The following TESMIN variants were observed in gnomAD, a reference collection of about 807,000 sequenced individuals.
TESMIN encodes the protein CXC domain containing 2.
In TESMIN, 34 loss-of-function variants were observed where a neutral mutation model predicts 47.4. The ratio of observed to expected loss-of-function variants is 0.72; its 90% CI spans 0.55 to 0.96. The LOEUF is 0.96. Among genes scored for constraint, TESMIN ranks in the 40% least tolerant of loss-of-function variants. TESMIN has a pLI of 0.00. For synonymous variants in TESMIN, 278 were observed against 258.9 expected (o/e 1.07, Z -0.71); for missense variants, 610 against 637.2 (o/e 0.96, Z 0.46).
chr11:68,712,925 G>A (rs957732792), intron 8 of TESMIN, among the ~76,000 whole-genome samples: 52 of 152,166 alleles, frequency 3.4e-4, no homozygotes, highest in African/African-American at 1.3e-3. Flanking sequence ...AGGAAGAGGC[G>A]CGGCTGCCCT....
At chr11:68,744,255 C>T in intron 4 of TESMIN, among the ~76,000 whole-genome samples, 1 of 152,174 alleles carries the variant, frequency 6.6e-6, no homozygotes, top group East Asian at 1.9e-4. Flanking sequence ...CAGTGAATCA[C>T]CTGACAGTGA....
At chr11:68,712,867 A>G (rs1175883312) in intron 8 of TESMIN, among the ~76,000 whole-genome samples, 1 of 152,196 alleles carries the variant, frequency 6.6e-6, no homozygotes, top group African/African-American at 2.4e-5. Context: ...CTTTGAGGCC[A>G]AACTGTCCCC....
chr11:68,719,360 T>C (rs1410392305), intron 6 of TESMIN, among the ~76,000 whole-genome samples: 1 of 152,176 alleles, frequency 6.6e-6, no homozygotes, highest in Non-Finnish European at 1.5e-5. Context: ...GGACCAGAGT[T>C]TTCATCGTCA....
intron 7 of TESMIN, among the ~76,000 whole-genome samples, chr11:68,713,655 T>TA (rs1305198053): frequency 3.9e-5 from 6 of 152,146 alleles, no homozygotes; most frequent in Non-Finnish European, 8.8e-5. Flanking sequence ...ATATTTACTG[T>TA]AAAAAAATAA....
intron 6 of TESMIN, among the ~76,000 whole-genome samples, chr11:68,721,692 T>C (rs1338585781): frequency 6.6e-6 from 1 of 152,188 alleles, no homozygotes; most frequent in Non-Finnish European, 1.5e-5. Flanking sequence ...ATCTGTGTTT[T>C]TTCCTTCATT....
chr11:68,736,095 TA>T (rs201843223), intron 6 of TESMIN: 2 of 985,264 alleles, frequency 2.0e-6, no homozygotes, highest in East Asian at 2.3e-4. Flanking sequence ...CACAACAAGA[TA>T]ACCTCATCTT....
At chr11:68,736,762 A>G (rs1946391447) in intron 6 of TESMIN, 5 of 971,856 alleles carry the variant, frequency 5.1e-6, no homozygotes, top group Non-Finnish European at 6.1e-6. Flanking sequence ...GGAAAAGGAG[A>G]GAGGAAGAAG....
At chr11:68,749,268 C>T (rs984475204) in intron 2 of TESMIN, among the ~76,000 whole-genome samples, 1 of 152,344 alleles carries the variant, frequency 6.6e-6, no homozygotes, top group South Asian at 2.1e-4. Flanking sequence ...CCATCCTTTT[C>T]CTGTACACTA....
intron 6 of TESMIN, chr11:68,736,356 C>T (rs1412956206): frequency 5.1e-6 from 5 of 985,352 alleles, no homozygotes; most frequent in African/African-American, 3.5e-5. Context: ...CGGGTCAGCT[C>T]GCACACTCAG....
chr11:68,733,541 A>G (rs2153991915), intron 6 of TESMIN: 1 of 152,334 alleles, frequency 6.6e-6, no homozygotes, highest in East Asian at 1.9e-4. Context: ...GCTGAGAAGT[A>G]ACTGTAACAC....
chr11:68,715,776 T>G (rs985377284), intron 7 of TESMIN, 61 bp downstream of exon 7: 17 of 1,211,720 alleles, frequency 1.4e-5, no homozygotes, highest in African/African-American at 7.6e-5. Flanking sequence ...GGTGATTTTA[T>G]GAACATCTCA....
At chr11:68,706,588 C>T (rs1029479886), downstream of TESMIN, among the ~76,000 whole-genome samples, 1 of 152,188 alleles carries the variant, frequency 6.6e-6, no homozygotes, top group South Asian at 2.1e-4. Flanking sequence ...CTGAGGCGCC[C>T]GAACCCTTAA....
rs926678759 is a variant in TESMIN at position 68,707,465 on chromosome 11, A to G, written c.*843T>C. ...TTGAAGACATTGGAAATTTTTATTC[A>G]TCTTTGCTTTACAACAGAACCAAAA... On this transcript the variant is annotated 3_prime_UTR_variant, in exon 10 of 10. Coordinates refer to ENST00000255087, the MANE Select transcript of TESMIN (RefSeq NM_004923.3). The G allele has an allele frequency of 4.0e-5, 7 of 176,916 alleles. No individual in the cohort carries two copies. The highest frequency in any genetic ancestry group is 1.4e-4 in the African/African-American group (6 of 42,684). 11.0% of individuals were successfully genotyped at this position (176,916 alleles called of 1,614,324 possible).
At chr11:68,747,570 G>C (rs544918603) in intron 2 of TESMIN, among the ~76,000 whole-genome samples, 1 of 152,316 alleles carries the variant, frequency 6.6e-6, no homozygotes, top group South Asian at 2.1e-4. Flanking sequence ...GTTGCTGTGA[G>C]CTGAGACAGT....
intron 8 of TESMIN, among the ~76,000 whole-genome samples, 175 bp from the exon 9 acceptor site, chr11:68,711,224 AGTGT>A (rs776342951): frequency 6.0e-5 from 9 of 148,940 alleles, no homozygotes; most frequent in Middle Eastern, 3.4e-3. Context: ...GTTGAACGTG[AGTGT>A]GTGTATGAGT....
At chr11:68,731,794 C>T (rs1373304588) in intron 6 of TESMIN, among the ~76,000 whole-genome samples, 2 of 152,172 alleles carry the variant, frequency 1.3e-5, no homozygotes, top group African/African-American at 4.8e-5. Flanking sequence ...GACCTCACTG[C>T]TTGGGTGAAT....
chr11:68,735,319 G>A (rs1946374829), intron 6 of TESMIN, among the ~76,000 whole-genome samples: 1 of 152,162 alleles, frequency 6.6e-6, no homozygotes, highest in Non-Finnish European at 1.5e-5. Flanking sequence ...GGGTGGCCCG[G>A]CACTTCCTGT....
At chr11:68,730,437 TA>T (rs1197621942) in intron 6 of TESMIN, among the ~76,000 whole-genome samples, 1 of 152,232 alleles carries the variant, frequency 6.6e-6, no homozygotes, top group Non-Finnish European at 1.5e-5. Context: ...AATCAATGTT[TA>T]ACATATACAA....
At chr11:68,709,897 C>T (rs377395163) in intron 9 of TESMIN, among the ~76,000 whole-genome samples, 2 of 152,176 alleles carry the variant, frequency 1.3e-5, no homozygotes, top group East Asian at 1.9e-4. Context: ...CAGCTGGGTG[C>T]GGTGGCTTAC....
Sources: allele counts gnomAD v4.1 joint callset (sites outside exome capture counted in the v4.1 genomes callset), GRCh38; gene constraint gnomAD v4.1.1; transcripts MANE v1.5; gene names NCBI Gene and HGNC (gene_info 2026-07-23, HGNC 2026-07-21).